CNTN5: variants seen among roughly 807,000 people sequenced by gnomAD.
CNTN5 encodes contactin 5.
CNTN5 carries 77 observed loss-of-function variants against 129.1 expected under a neutral mutation model. The ratio of observed to expected loss-of-function variants is 0.60; its 90% CI spans 0.50 to 0.72. The LOEUF is 0.72. Ranked by LOEUF, CNTN5 falls within the 30% of genes least tolerant of loss-of-function variation. The pLI, the probability that CNTN5 is intolerant of heterozygous loss-of-function variation, is 0.00. For missense variants in CNTN5, 1,478 were observed against 1,328.8 expected, an observed-to-expected ratio of 1.11 and a Z score of -1.75; for synonymous variants, 509 against 465.6, an observed-to-expected ratio of 1.09 and a Z score of -1.20.
At chr11:100,054,579 G>A (rs187990175) in intron 9 of CNTN5, among the ~76,000 whole-genome samples, 5 of 151,864 alleles carry the variant, frequency 3.3e-5, no homozygotes, top group South Asian at 2.1e-4. Flanking sequence ...AATGTTTTCC[G>A]CTGCATAGCA....
chr11:99,670,655 G>A (rs751536331), intron 3 of CNTN5, among the ~76,000 whole-genome samples: 3 of 152,260 alleles, frequency 2.0e-5, no homozygotes, highest in African/African-American at 4.8e-5. Context: ...CAGCCAGACC[G>A]AGTAGAGGAG....
At chr11:99,879,868 A>C (rs1479886484) in intron 6 of CNTN5, among the ~76,000 whole-genome samples, 2 of 152,204 alleles carry the variant, frequency 1.3e-5, no homozygotes, top group Non-Finnish European at 2.9e-5. Flanking sequence ...CAAGAAGTCT[A>C]TGTCCTTAAC....
At chr11:99,948,891 C>A (rs1950611403) in intron 7 of CNTN5, among the ~76,000 whole-genome samples, 1 of 152,200 alleles carries the variant, frequency 6.6e-6, no homozygotes, top group South Asian at 2.1e-4. Flanking sequence ...GAAAATCGTG[C>A]TTCCTGCCCT....
intron 2 of CNTN5, among the ~76,000 whole-genome samples, chr11:99,380,998 G>A (rs1045400865): frequency 2.6e-5 from 4 of 151,908 alleles, no homozygotes; most frequent in African/African-American, 9.7e-5. Context: ...TCCCATTCCA[G>A]GCCAAAAAAA....
At chr11:100,285,026 C>G (rs1172458973) in intron 18 of CNTN5, among the ~76,000 whole-genome samples, 2 of 152,156 alleles carry the variant, frequency 1.3e-5, no homozygotes. Context: ...CCACAACCTA[C>G]TCCTTTTGAC....
At chr11:100,246,341 AC>A (rs1420912200) in intron 16 of CNTN5, among the ~76,000 whole-genome samples, 2 of 152,136 alleles carry the variant, frequency 1.3e-5, no homozygotes, top group African/African-American at 4.8e-5. Context: ...ATTTTCTTAA[AC>A]CTTTTGCATG....
At chr11:99,712,126 G>A (rs567644847) in intron 3 of CNTN5, among the ~76,000 whole-genome samples, 190 of 151,914 alleles carry the variant, frequency 1.3e-3, no homozygotes, top group African/African-American at 4.3e-3. Flanking sequence ...ATTTCTCCAC[G>A]TCCTCTCCAG....
At chr11:99,931,135 A>G (rs1437424405) in intron 7 of CNTN5, among the ~76,000 whole-genome samples, 9 of 152,190 alleles carry the variant, frequency 5.9e-5, no homozygotes, top group Non-Finnish European at 2.9e-5. Context: ...ACATTTTGAC[A>G]TTATTTTAAA....
chr11:99,636,391 T>TTG (rs1025606455), intron 3 of CNTN5, among the ~76,000 whole-genome samples: 1 of 151,928 alleles, frequency 6.6e-6, no homozygotes, highest in African/African-American at 2.4e-5. Context: ...TTTCTTTTTT[T>TTG]TTGTTGTTGT....
intron 9 of CNTN5, among the ~76,000 whole-genome samples, chr11:100,048,708 T>A (rs1942811117): frequency 6.6e-6 from 1 of 151,946 alleles, no homozygotes; most frequent in African/African-American, 2.4e-5. Flanking sequence ...TATTGCTTTA[T>A]GGAACAATTA....
chr11:99,827,053 T>C (rs1422882962), intron 4 of CNTN5, among the ~76,000 whole-genome samples: 1 of 152,060 alleles, frequency 6.6e-6, no homozygotes, highest in African/African-American at 2.4e-5. Context: ...AGAGCAGCTG[T>C]GTTCATTGGT....
At chr11:99,529,005 G>T (rs930509195) in intron 2 of CNTN5, among the ~76,000 whole-genome samples, 1 of 152,150 alleles carries the variant, frequency 6.6e-6, no homozygotes, top group Non-Finnish European at 1.5e-5. Flanking sequence ...AACCTGGGAG[G>T]CAGAGGTTGC....
intron 1 of CNTN5, among the ~76,000 whole-genome samples, chr11:99,262,386 A>G (rs549229049): frequency 9.2e-5 from 14 of 152,232 alleles, no homozygotes; most frequent in African/African-American, 2.6e-4. Flanking sequence ...GATAATTATT[A>G]TGATAGTAAT....
At chr11:99,828,896 C>A (rs890358561) in intron 4 of CNTN5, among the ~76,000 whole-genome samples, 7 of 152,066 alleles carry the variant, frequency 4.6e-5, no homozygotes, top group Admixed American at 2.0e-4. Context: ...AAAATATTCC[C>A]ATATTCATGG....
chr11:99,733,046 C>T (rs747952820), intron 3 of CNTN5, among the ~76,000 whole-genome samples: 1 of 152,084 alleles, frequency 6.6e-6, no homozygotes, highest in Non-Finnish European at 1.5e-5. Context: ...AAGTCCTTGG[C>T]CGGGCGCGGT....
rs532693187 is a variant in CNTN5 at position 100,213,706 on chromosome 11, A to C, written c.1885-10986A>C. On this transcript the variant is annotated intron_variant, in intron 15 of 24. Coordinates refer to ENST00000524871, the MANE Select transcript of CNTN5 (RefSeq NM_014361.4). ...TAAACTGAACTATTCTTCTATTTGA[A>C]TGTTCATTGGAAGATTGTTGCTGTA... 2.6e-5 allele frequency among the ~76,000 whole-genome samples: 4 copies of C among 152,188 alleles called. No individual in the cohort carries two copies. In the East Asian group the frequency reaches 7.7e-4, roughly 29 times the overall value.
intron 2 of CNTN5, among the ~76,000 whole-genome samples, chr11:99,362,034 C>A (rs1939146045): frequency 6.6e-6 from 1 of 152,088 alleles, no homozygotes; most frequent in East Asian, 1.9e-4. Flanking sequence ...TTGGGGGGAA[C>A]TTCCAAACTG....
At position 99,829,644 on chromosome 11, in the gene CNTN5, A is replaced by G. The variant is rs143305566; in HGVS notation, c.277+9879A>G. On this transcript the variant is annotated intron_variant, in intron 4 of 24. Coordinates refer to ENST00000524871, the MANE Select transcript of CNTN5 (RefSeq NM_014361.4). ...TTGGATAATAGCTTTGATCTCTTGAAATTGTGTCAATGCAAATGTTTCATA... is the reference window on the plus strand; with the variant it reads ...TTGGATAATAGCTTTGATCTCTTGAGATTGTGTCAATGCAAATGTTTCATA... Among the ~76,000 whole-genome samples, 828 of 152,308 alleles carry G rather than the reference A, an allele frequency of 5.4e-3. 6 individuals carry two copies. Among genetic ancestry groups the G allele is most frequent in the African/African-American group, 0.019 (783 of 41,570 alleles).
intron 1 of CNTN5, among the ~76,000 whole-genome samples, chr11:99,231,866 T>C (rs77496385): frequency 0.044 from 6,764 of 152,328 alleles, 203 homozygotes; most frequent in South Asian, 0.072. Context: ...TTTCTGCATA[T>C]GGCTAGTAAG....
Sources: allele counts gnomAD v4.1 joint callset (sites outside exome capture counted in the v4.1 genomes callset), GRCh38; gene constraint gnomAD v4.1.1; transcripts MANE v1.5; gene names NCBI Gene and HGNC (gene_info 2026-07-23, HGNC 2026-07-21).